Variants in SGSH observed in about 807,000 individuals in gnomAD.
The protein encoded by SGSH is N-sulfoglucosamine sulfohydrolase.
In SGSH, 48 loss-of-function variants were observed where a neutral mutation model predicts 51.0. That is an observed-to-expected ratio of 0.94 (90% CI 0.75 to 1.20). The LOEUF is 1.20. Ranked by LOEUF, SGSH falls within the 50% of genes most tolerant of loss-of-function variation. The pLI is 0.00. For synonymous variants in SGSH, 321 were observed against 313.4 expected (o/e 1.02, Z -0.26); for missense variants, 662 against 717.8 (o/e 0.92, Z 0.89).
Position 80,213,758 on chromosome 17 carries a change from AC to A in SGSH, c.745+45del. 6.7e-7 allele frequency: 1 copy of A among 1,500,018 alleles called. No homozygotes were observed. 92.9% of individuals were successfully genotyped at this position (1,500,018 alleles called of 1,614,324 possible). On this transcript the variant is annotated intron_variant, in intron 6 of 7. Transcript: ENST00000326317. The surrounding 1 kb of genome is among the most constrained non-coding windows in gnomAD (Gnocchi z 4.6). ...AGAGGGCGCTGGCCCAGGATGGGGG[AC>A]CCCGGCCGTGGCACCCCCTCCAGTG... is the stretch of plus-strand genomic sequence containing the variant.
chr17:80,206,819 A>C (rs4889998), downstream of SGSH: 241,733 of 447,944 alleles, frequency 0.54, 67,540 homozygotes, highest in East Asian at 0.66. Flanking sequence ...GGCAAGCTCT[A>C]TTCCCTCATC....
downstream of SGSH, chr17:80,206,958 C>T: frequency 6.3e-7 from 1 of 1,595,740 alleles, no homozygotes; most frequent in Non-Finnish European, 8.6e-7. Context: ...TTCTTCTCTC[C>T]CTCCCACAAA....
downstream of SGSH, chr17:80,202,430 T>C (rs1234334808): frequency 1.2e-6 from 2 of 1,607,502 alleles, no homozygotes; most frequent in African/African-American, 2.7e-5. Flanking sequence ...GGTGAGCAGC[T>C]GCCTCGAGCT....
At chr17:80,214,924 G>A (rs2041830941) in intron 3 of SGSH, 109 bp downstream of exon 3, 7 of 1,283,476 alleles carry the variant, frequency 5.5e-6, no homozygotes, top group Non-Finnish European at 7.7e-6. Context: ...AGAGCTAAGG[G>A]CAGGCCACGG....
chr17:80,202,883 T>G, downstream of SGSH: 1 of 168,138 alleles, frequency 5.9e-6, no homozygotes, highest in Non-Finnish European at 1.3e-5. Context: ...AAAGCCCCAC[T>G]TGCAGGGAAG....
At position 80,210,197 on chromosome 17, in the gene SGSH, C is replaced by T. The variant is rs1291588353; in HGVS notation, c.*255G>A. 3 of 1,402,674 alleles carry T rather than the reference C, an allele frequency of 2.1e-6. No individual in the cohort carries two copies. The highest frequency in any genetic ancestry group is 1.4e-5 in the African/African-American group (1 of 69,196). The allele number at this position is 1,402,674 out of a possible 1,614,324, so 86.9% of individuals were successfully genotyped here. The stretch of plus-strand genomic sequence containing the variant: ...CCCGTGCTGGGACATGGTTCAGACA[C>T]AAGGACAACTGTGTCCCCTGCCATG... On this transcript the variant is annotated 3_prime_UTR_variant, in exon 8 of 8. Coordinates refer to ENST00000326317, the MANE Select transcript of SGSH (RefSeq NM_000199.5).
chr17:80,218,724 A>G (rs2041992293), intron 1 of SGSH, among the ~76,000 whole-genome samples: 1 of 152,190 alleles, frequency 6.6e-6, no homozygotes, highest in Non-Finnish European at 1.5e-5. Flanking sequence ...TGGGCCTGCT[A>G]TGGTCTGAAC....
chr17:80,204,424 G>A (rs1268681753), downstream of SGSH: 2 of 1,348,422 alleles, frequency 1.5e-6, no homozygotes, highest in African/African-American at 1.4e-5. Context: ...TGGTCAGCTG[G>A]GGCAGGGGGA....
downstream of SGSH, chr17:80,202,260 A>G: frequency 6.2e-7 from 1 of 1,613,972 alleles, no homozygotes; most frequent in Non-Finnish European, 8.5e-7. Context: ...CAACCTGGCC[A>G]TGGAGGGCAG....
chr17:80,219,075 G>A (rs142709550), intron 1 of SGSH, among the ~76,000 whole-genome samples: 9 of 144,286 alleles, frequency 6.2e-5, no homozygotes, highest in East Asian at 4.1e-4. Context: ...CAGGAGGATC[G>A]CTTGAGCCTG....
the SGSH span, chr17:80,201,601 C>A: frequency 1.2e-6 from 1 of 809,996 alleles, no homozygotes; most frequent in Non-Finnish European, 2.1e-6. This position sits in a 1 kb window ranked among gnomAD's most constrained non-coding sequence, Gnocchi z 5.0. Context: ...TGGTGTGTGG[C>A]TTTGTTTTGA....
At chr17:80,214,084 C>T in intron 5 of SGSH, 88 bp downstream of exon 5, 2 of 1,504,018 alleles carry the variant, frequency 1.3e-6, no homozygotes, top group Non-Finnish European at 9.1e-7. Context: ...TCTTCATCAT[C>T]TAGGGCCAGG....
chr17:80,211,596 G>A (rs997905704), intron 7 of SGSH: 10 of 304,502 alleles, frequency 3.3e-5, no homozygotes, highest in Non-Finnish European at 5.7e-5. Flanking sequence ...GCAGGGTCAT[G>A]AGGTGCTTTG....
Position 80,210,886 on chromosome 17 carries a change from C to A in SGSH, c.1075G>T (p.Ala359Ser). Residue 359 changes from alanine (A) to serine (S), a missense_variant, in exon 8 of 8, where the codon GCC (alanine) becomes TCC (serine). By Grantham distance (99) the Ala-to-Ser change is moderately conservative. Transcript: ENST00000326317. ...LPALEAEPLW[A>S]TVFGSQSHHE... ...TGGCTCTGGCTGCCAAAGACGGTGG[C>A]CCAGAGGGGCTCGGCCTCCAGCGCC... 6.2e-7 allele frequency: 1 copy of A among 1,612,770 alleles called. No homozygotes were observed. The highest frequency in any genetic ancestry group is 8.5e-7 in the Non-Finnish European group (1 of 1,179,992).
At chr17:80,204,326 C>A, downstream of SGSH, 2 of 1,581,060 alleles carry the variant, frequency 1.3e-6, no homozygotes, top group African/African-American at 2.7e-5. Context: ...CCAGTTGGAC[C>A]CCAGCAGGAT....
downstream of SGSH, chr17:80,204,369 C>A (rs780960038): frequency 1.3e-6 from 2 of 1,524,026 alleles, no homozygotes; most frequent in Non-Finnish European, 1.8e-6. Flanking sequence ...GGCACAGGGG[C>A]CACTGGCTCC....
At chr17:80,203,320 A>T (rs1598702194), downstream of SGSH, 1 of 153,558 alleles carries the variant, frequency 6.5e-6, no homozygotes, top group Non-Finnish European at 1.4e-5. This position sits in a 1 kb window ranked among gnomAD's most constrained non-coding sequence, Gnocchi z 4.6. Context: ...AGCCTATGGG[A>T]GGCTCCAAGT....
At chr17:80,207,315 C>T (rs1450294529), downstream of SGSH, among the ~76,000 whole-genome samples, 2 of 152,218 alleles carry the variant, frequency 1.3e-5, no homozygotes, top group South Asian at 2.1e-4. Flanking sequence ...CTTTGGGAGG[C>T]CAGGGTGGGC....
chr17:80,202,175 A>G (rs2144447051), downstream of SGSH: 1 of 1,606,746 alleles, frequency 6.2e-7, no homozygotes. Flanking sequence ...GTCCCCTTTT[A>G]TCAGGTTATA....
Sources: gnomAD v4.1 joint callset for allele counts (sites outside exome capture counted in the v4.1 genomes callset) on GRCh38, gnomAD v4.1.1 for gene constraint, Gnocchi (gnomAD v3.1) non-coding constraint, MANE v1.5 for transcripts, NCBI Gene and HGNC (gene_info 2026-07-23, HGNC 2026-07-21) for gene names.